The following INPP5F variants were observed in gnomAD, a reference collection of about 807,000 sequenced individuals.
The protein encoded by INPP5F is inositol polyphosphate-5-phosphatase F.
INPP5F carries 97 observed loss-of-function variants against 137.2 expected under a neutral mutation model. That is an observed-to-expected ratio of 0.71 (90% CI 0.60 to 0.84). The LOEUF is 0.84. INPP5F is among the 40% of genes least tolerant of loss of function. The pLI, the probability that INPP5F is intolerant of heterozygous loss-of-function variation, is 0.00. For synonymous variants in INPP5F, 504 were observed against 476.9 expected (o/e 1.06, Z -0.74); for missense variants, 1,271 against 1,371.9 (o/e 0.93, Z 1.16).
At chr10:119,737,331 A>T (rs926277241) in intron 1 of INPP5F, among the ~76,000 whole-genome samples, 11 of 152,202 alleles carry the variant, frequency 7.2e-5, no homozygotes, top group African/African-American at 2.7e-4. Context: ...TTTCAGTCAG[A>T]CTAAGACCAA....
chr10:119,773,508 A>C (rs1475964935), intron 2 of INPP5F, among the ~76,000 whole-genome samples: 2 of 151,906 alleles, frequency 1.3e-5, no homozygotes, highest in Non-Finnish European at 2.9e-5. Flanking sequence ...CTTCCTTCCC[A>C]CTATCCCCCG....
At chr10:119,728,811 G>A (rs1349421660) in intron 1 of INPP5F, among the ~76,000 whole-genome samples, 1 of 152,086 alleles carries the variant, frequency 6.6e-6, no homozygotes, top group Non-Finnish European at 1.5e-5. Flanking sequence ...TCATCCTTGG[G>A]GCAGAATTAT....
chr10:119,798,895 A>G (rs1850488130), intron 9 of INPP5F, among the ~76,000 whole-genome samples: 1 of 149,694 alleles, frequency 6.7e-6, no homozygotes, highest in Non-Finnish European at 1.5e-5. Flanking sequence ...CCTCCCGAGT[A>G]GCTGGGACTG....
intron 3 of INPP5F, among the ~76,000 whole-genome samples, chr10:119,782,614 G>A (rs946535231): frequency 2.0e-5 from 3 of 152,032 alleles, no homozygotes; most frequent in African/African-American, 7.2e-5. Flanking sequence ...TGAGGGGTTC[G>A]AGACCAGCCT....
At chr10:119,819,338 T>C (rs1564852611) in intron 15 of INPP5F, 1 of 1,170,936 alleles carries the variant, frequency 8.5e-7, no homozygotes, top group Non-Finnish European at 1.1e-6. Context: ...ATTTTCCGAC[T>C]GCCTGTTACG....
intron 17 of INPP5F, 77 bp downstream of exon 17, chr10:119,822,581 A>G (rs1851610253): frequency 1.5e-6 from 1 of 657,738 alleles, no homozygotes; most frequent in Non-Finnish European, 2.6e-6. Flanking sequence ...TATTTAAGCA[A>G]GAACCTGGTT....
chr10:119,801,631 A>G (rs1035021244), intron 9 of INPP5F, among the ~76,000 whole-genome samples: 1 of 152,142 alleles, frequency 6.6e-6, no homozygotes, highest in Non-Finnish European at 1.5e-5. Flanking sequence ...TCCCAGCTAC[A>G]CAAAAGGCTG....
chr10:119,785,574 G>C (rs868800055), intron 3 of INPP5F, among the ~76,000 whole-genome samples: 3 of 149,568 alleles, frequency 2.0e-5, no homozygotes, highest in East Asian at 2.0e-4. Flanking sequence ...GAGAGAGAGA[G>C]AGAGACTGAG....
chr10:119,771,566 G>A (rs972831578), intron 2 of INPP5F, among the ~76,000 whole-genome samples: 1 of 151,720 alleles, frequency 6.6e-6, no homozygotes, highest in Non-Finnish European at 1.5e-5. Flanking sequence ...TCCTCTGAGA[G>A]TTTCTTTATG....
At chr10:119,769,766 C>T (rs915934880) in intron 2 of INPP5F, among the ~76,000 whole-genome samples, 2 of 152,138 alleles carry the variant, frequency 1.3e-5, no homozygotes, top group African/African-American at 4.8e-5. Flanking sequence ...CTCAGGCCTT[C>T]GGACTTGGAC....
intron 3 of INPP5F, 57 bp from the exon 4 acceptor site, chr10:119,791,460 C>A: frequency 1.4e-6 from 2 of 1,406,406 alleles, no homozygotes; most frequent in Admixed American, 3.8e-5. Context: ...CTTTTGCACT[C>A]GAACATTTAA....
chr10:119,818,107 TC>T (rs1425171900), intron 15 of INPP5F, among the ~76,000 whole-genome samples: 1 of 152,218 alleles, frequency 6.6e-6, no homozygotes, highest in African/African-American at 2.4e-5. Context: ...CTGGCCCTTC[TC>T]CCATGCAAGG....
At chr10:119,767,194 A>G (rs7097337) in intron 2 of INPP5F, among the ~76,000 whole-genome samples, 8,003 of 149,138 alleles carry the variant, frequency 0.054, 744 homozygotes, top group African/African-American at 0.18. Context: ...AGGGGTAGGA[A>G]GAAATGAAGA....
intron 1 of INPP5F, among the ~76,000 whole-genome samples, chr10:119,732,617 C>T (rs1042647889): frequency 6.6e-6 from 1 of 150,544 alleles, no homozygotes; most frequent in African/African-American, 2.4e-5. Flanking sequence ...CTCTCTGCCT[C>T]AGCCTCCTGA....
chr10:119,799,422 T>A, intron 9 of INPP5F: 1 of 282,998 alleles, frequency 3.5e-6, no homozygotes, highest in South Asian at 3.2e-5. Flanking sequence ...AAACCTGACT[T>A]AAGTGGAGAG....
chr10:119,767,116 A>AAAAAAAAAC, intron 2 of INPP5F, among the ~76,000 whole-genome samples: 1 of 149,298 alleles, frequency 6.7e-6, no homozygotes, highest in South Asian at 2.1e-4. Context: ...AGAAAAAAAA[A>AAAAAAAAAC]AAAAAAAAAA....
intron 14 of INPP5F, 108 bp from the exon 15 acceptor site, chr10:119,811,648 TG>T: frequency 1.2e-6 from 1 of 812,052 alleles, no homozygotes; most frequent in Middle Eastern, 3.0e-4. Context: ...GATTTATGCT[TG>T]TGTTTTCTTC....
chr10:119,808,114 T>A, intron 13 of INPP5F, 54 bp downstream of exon 13: 2 of 1,565,628 alleles, frequency 1.3e-6, no homozygotes, highest in Non-Finnish European at 1.7e-6. Context: ...CAGCTTAGAC[T>A]ATGGTTTAAA....
At chr10:119,816,225 G>C (rs1032811668) in intron 15 of INPP5F, 9 of 152,546 alleles carry the variant, frequency 5.9e-5, no homozygotes, top group African/African-American at 2.2e-4. Context: ...AGGTGGAGCA[G>C]GGGCTGGCTC....
Sources: gnomAD v4.1 joint callset for allele counts (sites outside exome capture counted in the v4.1 genomes callset) on GRCh38, gnomAD v4.1.1 for gene constraint, MANE v1.5 for transcripts, NCBI Gene and HGNC (gene_info 2026-07-23, HGNC 2026-07-21) for gene names.